Variants in ROBO2 observed in about 807,000 individuals in gnomAD.
The protein encoded by ROBO2 is roundabout guidance receptor 2.
In ROBO2, 53 loss-of-function variants were observed where a neutral mutation model predicts 160.8. The observed-to-expected ratio is 0.33, with a 90% CI of 0.26 to 0.41. The LOEUF is 0.41. Among genes scored for constraint, ROBO2 ranks in the 10% least tolerant of loss-of-function variants. The pLI is 1.00. For missense variants in ROBO2, 1,577 were observed against 1,722.4 expected (o/e 0.92, Z 1.49); for synonymous variants, 664 against 611.7 (o/e 1.09, Z -1.26).
intron 10 of ROBO2, 28 bp from the exon 12 acceptor site, chr3:77,563,139 T>C: frequency 6.2e-7 from 1 of 1,611,176 alleles, no homozygotes; most frequent in Non-Finnish European, 8.5e-7. Context: ...CAATCAGGAA[T>C]GAAGTTTTTT....
chr3:76,760,774 T>A (rs954827259), intron 2 of ROBO2, among the ~76,000 whole-genome samples: 17 of 151,756 alleles, frequency 1.1e-4, no homozygotes, highest in African/African-American at 3.6e-4. Context: ...ATAACAAACA[T>A]GATATAAAAT....
intron 2 of ROBO2, among the ~76,000 whole-genome samples, chr3:76,802,021 T>C (rs2064238590): frequency 6.6e-6 from 1 of 152,208 alleles, no homozygotes. Flanking sequence ...TACTATCTTA[T>C]GTGAGCAGGG....
chr3:76,352,420 A>C (rs985767689), intron 2 of ROBO2, among the ~76,000 whole-genome samples: 1 of 151,982 alleles, frequency 6.6e-6, no homozygotes, highest in Non-Finnish European at 1.5e-5. Context: ...TTGTGGAGTA[A>C]AGTCCCAGCT....
intron 2 of ROBO2, among the ~76,000 whole-genome samples, chr3:76,603,388 G>T (rs1301155714): frequency 3.9e-5 from 3 of 77,222 alleles, no homozygotes; most frequent in Non-Finnish European, 5.0e-5. Flanking sequence ...ATATATATAT[G>T]AGTAGAAATA....
chr3:77,176,423 C>G (rs950679218), intron 2 of ROBO2, among the ~76,000 whole-genome samples: 1 of 151,964 alleles, frequency 6.6e-6, no homozygotes, highest in Non-Finnish European at 1.5e-5. Flanking sequence ...TGTAAACACA[C>G]CATCTCTAAA....
intron 2 of ROBO2, among the ~76,000 whole-genome samples, chr3:76,717,066 C>T (rs941211466): frequency 2.6e-5 from 4 of 152,068 alleles, no homozygotes; most frequent in African/African-American, 7.2e-5. Context: ...TGATATCTGG[C>T]GTAAGTTTTG....
At chr3:76,643,099 A>G (rs563062392) in intron 2 of ROBO2, among the ~76,000 whole-genome samples, 2 of 152,294 alleles carry the variant, frequency 1.3e-5, no homozygotes, top group South Asian at 2.1e-4. Context: ...CCTTTTTATC[A>G]TCGAAAATTG....
At position 76,503,056 on chromosome 3, in the gene ROBO2, TTAAG is replaced by T. The variant is rs549831820; in HGVS notation, c.109+565457_109+565460del. On this transcript the variant is annotated intron_variant, in intron 2 of 26. Coordinates refer to the ROBO2 transcript ENST00000487694. Reference sequence around the variant, plus strand: ...CATGTGTGTGTGCAAAGGGGAGTTATTAAGTATTAACTTACATGATCACAAAGTC... The same window carrying T: ...CATGTGTGTGTGCAAAGGGGAGTTATTATTAACTTACATGATCACAAAGTC... 7.9e-5 allele frequency among the ~76,000 whole-genome samples: 12 copies of T among 151,934 alleles called. No individual in the cohort carries two copies. The East Asian group carries it at 1.2e-3, about 15-fold the overall frequency.
intron 2 of ROBO2, among the ~76,000 whole-genome samples, chr3:77,347,162 A>G (rs565786317): frequency 6.6e-5 from 10 of 152,272 alleles, no homozygotes; most frequent in Non-Finnish European, 5.9e-5. Context: ...TCTCAGTGAC[A>G]CAAGGAATCA....
At chr3:77,550,909 C>T in exon 8 of ROBO2, 1 of 1,613,104 alleles carries the variant, frequency 6.2e-7, no homozygotes. Flanking sequence ...ATTCAACGTT[C>T]CGACGCGGGT....
At chr3:77,027,150 G>A (rs1006303383) in intron 2 of ROBO2, among the ~76,000 whole-genome samples, 2 of 152,188 alleles carry the variant, frequency 1.3e-5, no homozygotes, top group Non-Finnish European at 2.9e-5. Flanking sequence ...CTGTTCCTCA[G>A]TTGAAGCACT....
At chr3:77,288,328 A>C (rs930686575) in intron 2 of ROBO2, among the ~76,000 whole-genome samples, 9 of 152,196 alleles carry the variant, frequency 5.9e-5, no homozygotes, top group Admixed American at 2.6e-4. Context: ...ACTGACAAAC[A>C]CTTCTCTGTA....
At chr3:77,059,396 G>C (rs1178854523) in intron 1 of ROBO2, among the ~76,000 whole-genome samples, 7 of 152,130 alleles carry the variant, frequency 4.6e-5, no homozygotes, top group Non-Finnish European at 1.0e-4. Context: ...CAGTGTATTT[G>C]AACATTTAAG....
chr3:76,249,238 G>A (rs1705830497), intron 2 of ROBO2, among the ~76,000 whole-genome samples: 2 of 152,098 alleles, frequency 1.3e-5, no homozygotes, highest in African/African-American at 2.4e-5. Context: ...CCACCACACA[G>A]TACTAACAGT....
chr3:77,139,278 C>T (rs543303764), intron 2 of ROBO2, among the ~76,000 whole-genome samples: 1 of 152,154 alleles, frequency 6.6e-6, no homozygotes, highest in East Asian at 1.9e-4. Flanking sequence ...ATGTTGAAAA[C>T]CTTGTATTAT....
chr3:76,402,183 G>T (rs1220902045), intron 2 of ROBO2, among the ~76,000 whole-genome samples: 1 of 151,356 alleles, frequency 6.6e-6, no homozygotes, highest in Non-Finnish European at 1.5e-5. Context: ...ATTTTCAAGT[G>T]GATATTTATT....
chr3:77,497,731 T>C (rs975647658), intron 5 of ROBO2, among the ~76,000 whole-genome samples: 4 of 152,116 alleles, frequency 2.6e-5, no homozygotes, highest in Non-Finnish European at 5.9e-5. Context: ...ATAGAAGTTG[T>C]CAGTATTTAT....
intron 2 of ROBO2, among the ~76,000 whole-genome samples, chr3:75,981,134 G>T (rs774618289): frequency 3.2e-4 from 49 of 151,404 alleles, no homozygotes; most frequent in Non-Finnish European, 4.9e-4. Flanking sequence ...TCTGTATTAT[G>T]CAAGATTAAT....
Position 76,907,823 on chromosome 3 carries a change from GGTGT to G in ROBO2, c.110-190162_110-190159del, listed in dbSNP as rs71104638. Among the ~76,000 whole-genome samples the G allele has an allele frequency of 7.5e-3, 1,094 of 145,512 alleles. 5 individuals are homozygous for G. The highest frequency in any genetic ancestry group is 0.012 in the South Asian group (54 of 4,432). On this transcript the variant is annotated intron_variant, in intron 2 of 26. Transcript: ENST00000487694. ...GCCTTTCTGCTGTTTGTTTGTTTGG[GGTGT>G]GTGTGTGTGTGTGTGTGTGTGTGTG...
Sources: gnomAD v4.1 joint callset for allele counts (sites outside exome capture counted in the v4.1 genomes callset) on GRCh38, gnomAD v4.1.1 for gene constraint, MANE v1.5 for transcripts, NCBI Gene and HGNC (gene_info 2026-07-23, HGNC 2026-07-21) for gene names.